The following TCERG1L variants were observed in gnomAD, a reference collection of about 807,000 sequenced individuals.
TCERG1L encodes the protein transcription elongation regulator 1 like, also known as transcription elongation regulator 1-like protein.
Under a neutral mutation model 56.3 loss-of-function variants are expected in TCERG1L, and 37 were observed. The observed-to-expected ratio is 0.66, with a 90% confidence interval of 0.51 to 0.87. The LOEUF is 0.87. TCERG1L is among the 40% of genes least tolerant of loss of function. The pLI is 0.00. For missense variants in TCERG1L, 799 were observed against 774.2 expected (o/e 1.03, Z -0.38); for synonymous variants, 324 against 326.3 (o/e 0.99, Z 0.08).
At chr10:131,264,126 C>T (rs561205421) in intron 3 of TCERG1L, among the ~76,000 whole-genome samples, 2 of 151,484 alleles carry the variant, frequency 1.3e-5, no homozygotes, top group South Asian at 2.1e-4. Flanking sequence ...CACCCCTTTC[C>T]TGTGCCCAAG....
At chr10:131,109,031 C>T (rs112375453) in intron 9 of TCERG1L, among the ~76,000 whole-genome samples, 20 of 152,024 alleles carry the variant, frequency 1.3e-4, no homozygotes, top group African/African-American at 4.3e-4. Flanking sequence ...CCCGTCCACG[C>T]TCAAGGAGAG....
intron 8 of TCERG1L, among the ~76,000 whole-genome samples, chr10:131,133,492 G>A (rs1054395165): frequency 3.9e-5 from 6 of 152,062 alleles, no homozygotes; most frequent in Admixed American, 3.3e-4. Flanking sequence ...AGGGTCCAGC[G>A]GAACGTCCAG....
intron 7 of TCERG1L, among the ~76,000 whole-genome samples, chr10:131,136,702 G>A (rs1161284805): frequency 6.6e-6 from 1 of 151,814 alleles, no homozygotes; most frequent in African/African-American, 2.4e-5. Flanking sequence ...TACCATGTTG[G>A]CCAGGTTGGT....
chr10:131,176,841 G>GACAT (rs1491224821), intron 4 of TCERG1L, among the ~76,000 whole-genome samples: 4 of 15,106 alleles, frequency 2.6e-4, no homozygotes, highest in Admixed American at 7.3e-4. Context: ...TGTACACACA[G>GACAT]GCACATAGGA....
rs1251285122 is a variant in TCERG1L, at chr10:131,267,315, C to T, written c.671-6871G>A. On this transcript the variant is annotated intron_variant, in intron 3 of 11. Transcript: ENST00000368642. The surrounding 1 kb of genome is among the most constrained non-coding windows in gnomAD (Gnocchi z 4.9). ...GCACCCAGGCTTGGCCCCAACCCTA[C>T]TCTAGGATCGGAGTAAGCACTGGAA... Among the ~76,000 whole-genome samples the T allele has an allele frequency of 1.3e-5, 2 of 152,194 alleles. No individual in the cohort carries two copies. Among genetic ancestry groups the T allele is most frequent in the Non-Finnish European group, 2.9e-5 (2 of 68,028 alleles).
intron 3 of TCERG1L, among the ~76,000 whole-genome samples, chr10:131,306,697 T>C (rs1371577445): frequency 6.6e-6 from 1 of 151,958 alleles, no homozygotes; most frequent in African/African-American, 2.4e-5. Context: ...AATAGATACA[T>C]CCAAAAATCA....
rs769671090 is a variant in TCERG1L, at chr10:131,267,020, C to T, written c.671-6576G>A. ...GTCCAGAGGACTGGCAACCGGCCCCCAGCCTTCAGGTCCTCCCTGGCCTGA... is the reference window on the plus strand; with the variant it reads ...GTCCAGAGGACTGGCAACCGGCCCCTAGCCTTCAGGTCCTCCCTGGCCTGA... On this transcript the variant is annotated intron_variant, in intron 3 of 11. Transcript: ENST00000368642. The surrounding 1 kb of genome is among the most constrained non-coding windows in gnomAD (Gnocchi z 4.9). 6.6e-6 allele frequency among the ~76,000 whole-genome samples: 1 copy of T among 152,092 alleles called. No individual in the cohort carries two copies. Among genetic ancestry groups the T allele is most frequent in the African/African-American group, 2.4e-5 (1 of 41,428 alleles).
At chr10:131,216,253 T>C (rs1845667880) in intron 4 of TCERG1L, among the ~76,000 whole-genome samples, 1 of 151,940 alleles carries the variant, frequency 6.6e-6, no homozygotes, top group Non-Finnish European at 1.5e-5. Context: ...GAGAGAGAAG[T>C]GGGTCAGGTG....
At chr10:131,240,497 G>C (rs755305217) in intron 4 of TCERG1L, among the ~76,000 whole-genome samples, 67 of 152,050 alleles carry the variant, frequency 4.4e-4, no homozygotes, top group Non-Finnish European at 7.2e-4. Flanking sequence ...CACAATCCCT[G>C]AAACGCCAGA....
intron 7 of TCERG1L, among the ~76,000 whole-genome samples, chr10:131,142,562 C>A (rs890680315): frequency 6.6e-6 from 1 of 152,168 alleles, no homozygotes; most frequent in East Asian, 1.9e-4. Flanking sequence ...GTCATCTGCC[C>A]GCAGACTAGG....
intron 4 of TCERG1L, among the ~76,000 whole-genome samples, chr10:131,188,922 T>C (rs776769853): frequency 1.3e-5 from 2 of 152,208 alleles, no homozygotes; most frequent in African/African-American, 2.4e-5. Flanking sequence ...TATGAGTGTA[T>C]ATCTTTTCTA....
chr10:131,158,246 T>C (rs1845943979), intron 6 of TCERG1L, among the ~76,000 whole-genome samples: 1 of 152,192 alleles, frequency 6.6e-6, no homozygotes, highest in Admixed American at 6.5e-5. Flanking sequence ...TAAACCAGTT[T>C]CTACCACCTC....
intron 4 of TCERG1L, among the ~76,000 whole-genome samples, chr10:131,194,819 C>T (rs1187851059): frequency 6.6e-6 from 1 of 152,204 alleles, no homozygotes; most frequent in African/African-American, 2.4e-5. Flanking sequence ...ATCATAAACT[C>T]TGTGCCTACG....
chr10:131,202,079 C>T (rs187380594), intron 4 of TCERG1L, among the ~76,000 whole-genome samples: 4 of 152,280 alleles, frequency 2.6e-5, no homozygotes, highest in Non-Finnish European at 5.9e-5. Flanking sequence ...TTAAGAGTCT[C>T]GATTTATATT....
chr10:131,120,797 A>C (rs536563812), intron 8 of TCERG1L, among the ~76,000 whole-genome samples: 2 of 152,130 alleles, frequency 1.3e-5, no homozygotes, highest in African/African-American at 4.8e-5. Flanking sequence ...ATTCAGTGAG[A>C]TGGTCCACAT....
At chr10:131,220,254 C>T (rs574183255) in intron 4 of TCERG1L, among the ~76,000 whole-genome samples, 2 of 152,296 alleles carry the variant, frequency 1.3e-5, no homozygotes, top group East Asian at 3.9e-4. Context: ...ACCCAGGTGC[C>T]GCAGATGCCG....
chr10:131,165,207 G>A (rs1846018583), intron 5 of TCERG1L, among the ~76,000 whole-genome samples: 1 of 152,218 alleles, frequency 6.6e-6, no homozygotes, highest in Admixed American at 6.5e-5. Flanking sequence ...AGTGGCCCAT[G>A]TTGAGAGATG....
intron 4 of TCERG1L, among the ~76,000 whole-genome samples, chr10:131,212,264 A>G (rs2133489396): frequency 6.6e-6 from 1 of 152,304 alleles, no homozygotes; most frequent in African/African-American, 2.4e-5. Flanking sequence ...GCCCATGCAG[A>G]GTTGATTCTG....
At chr10:131,155,413 CA>C (rs1448334203) in intron 6 of TCERG1L, among the ~76,000 whole-genome samples, 1 of 152,264 alleles carries the variant, frequency 6.6e-6, no homozygotes, top group African/African-American at 2.4e-5. Context: ...AGCACAGACA[CA>C]AGTCCCCGGA....
Sources: gnomAD v4.1 joint callset for allele counts (sites outside exome capture counted in the v4.1 genomes callset) on GRCh38, gnomAD v4.1.1 for gene constraint, Gnocchi (gnomAD v3.1) non-coding constraint, MANE v1.5 for transcripts, NCBI Gene and HGNC (gene_info 2026-07-23, HGNC 2026-07-21) for gene names.